The following HPSE2 variants were observed in gnomAD, a reference collection of about 807,000 sequenced individuals.
HPSE2 encodes the protein heparanase 2 (inactive).
Under a neutral mutation model 60.5 loss-of-function variants are expected in HPSE2, and 38 were observed. That is an observed-to-expected ratio of 0.63 (90% CI 0.48 to 0.82). The LOEUF is 0.82. Among genes scored for constraint, HPSE2 ranks in the 40% least tolerant of loss-of-function variants. The probability of loss-of-function intolerance (pLI) is 0.00; values close to 1 mark genes in which losing one functional copy is unlikely to be tolerated. For synonymous variants in HPSE2, 295 were observed against 293.2 expected, an observed-to-expected ratio of 1.01 and a Z score of -0.06; for missense variants, 713 against 740.4, an observed-to-expected ratio of 0.96 and a Z score of 0.43.
chr10:99,157,583 CCT>C (rs1331144371), intron 2 of HPSE2, among the ~76,000 whole-genome samples: 4 of 139,500 alleles, frequency 2.9e-5, no homozygotes, highest in Admixed American at 7.8e-5. Context: ...CTTCCTTATA[CCT>C]TATACAAAAA....
chr10:98,602,984 A>T (rs539659789), intron 9 of HPSE2, among the ~76,000 whole-genome samples: 1 of 152,374 alleles, frequency 6.6e-6, no homozygotes, highest in Non-Finnish European at 1.5e-5. Context: ...CACCATCAAG[A>T]AAATAAAAAG....
chr10:98,515,411 C>T, intron 9 of HPSE2, among the ~76,000 whole-genome samples: 1 of 152,038 alleles, frequency 6.6e-6, no homozygotes, highest in East Asian at 1.9e-4. Context: ...AAGCAAAGTT[C>T]AATAAATCAA....
intron 2 of HPSE2, among the ~76,000 whole-genome samples, chr10:99,203,910 C>T (rs1040326140): frequency 2.0e-5 from 3 of 152,036 alleles, no homozygotes; most frequent in African/African-American, 7.2e-5. Flanking sequence ...TCCAGCAGAC[C>T]CTGGTGACAG....
At chr10:99,213,644 G>GAA (rs570782687) in intron 2 of HPSE2, among the ~76,000 whole-genome samples, 7 of 141,100 alleles carry the variant, frequency 5.0e-5, no homozygotes, top group African/African-American at 1.5e-4. Flanking sequence ...CACGTTTTTA[G>GAA]AAAAAAAAAA....
intron 3 of HPSE2, among the ~76,000 whole-genome samples, chr10:98,788,922 G>A (rs1823159172): frequency 6.6e-6 from 1 of 152,110 alleles, no homozygotes; most frequent in African/African-American, 2.4e-5. Context: ...GCTCACGCTG[G>A]GAGCTGTAGA....
chr10:98,594,701 C>A (rs533808727), intron 9 of HPSE2, among the ~76,000 whole-genome samples: 1 of 152,220 alleles, frequency 6.6e-6, no homozygotes, highest in Admixed American at 6.5e-5. Context: ...ATCCATTCAT[C>A]TGTTGATGGA....
chr10:98,545,035 A>T (rs1374208956), intron 9 of HPSE2, among the ~76,000 whole-genome samples: 3 of 152,204 alleles, frequency 2.0e-5, no homozygotes, highest in Non-Finnish European at 4.4e-5. Flanking sequence ...CCTCTACGCA[A>T]ATAAACTAGA....
chr10:98,685,803 CTTAG>C (rs1947900796), intron 6 of HPSE2, among the ~76,000 whole-genome samples: 2 of 152,094 alleles, frequency 1.3e-5, no homozygotes, highest in Non-Finnish European at 2.9e-5. Context: ...CAGGCATATA[CTTAG>C]TTATATAAGA....
chr10:99,187,893 G>A (rs1328394826), intron 2 of HPSE2, among the ~76,000 whole-genome samples: 1 of 152,170 alleles, frequency 6.6e-6, no homozygotes, highest in Admixed American at 6.5e-5. Flanking sequence ...CTAGGTATTT[G>A]CTCCAAAGAG....
At chr10:98,510,741 G>A (rs1207316547) in intron 9 of HPSE2, among the ~76,000 whole-genome samples, 1 of 152,218 alleles carries the variant, frequency 6.6e-6, no homozygotes, top group Admixed American at 6.5e-5. Context: ...TAGTGCGTAA[G>A]GTTTCCTGTG....
intron 4 of HPSE2, among the ~76,000 whole-genome samples, chr10:98,729,394 G>A (rs1339207097): frequency 2.6e-5 from 4 of 152,142 alleles, no homozygotes; most frequent in African/African-American, 4.8e-5. Context: ...TAGGTCACGC[G>A]GTCAGGAGAT....
At chr10:99,139,270 A>T (rs1845776943) in intron 3 of HPSE2, among the ~76,000 whole-genome samples, 1 of 152,152 alleles carries the variant, frequency 6.6e-6, no homozygotes, top group African/African-American at 2.4e-5. Context: ...TATAATGGAC[A>T]CTGGAGACTC....
intron 6 of HPSE2, among the ~76,000 whole-genome samples, chr10:98,645,616 T>C (rs1483769188): frequency 1.3e-5 from 2 of 152,222 alleles, no homozygotes; most frequent in Non-Finnish European, 2.9e-5. Context: ...CACATTTATA[T>C]TGTACTATGG....
intron 10 of HPSE2, among the ~76,000 whole-genome samples, chr10:98,488,240 C>A (rs1209293140): frequency 6.6e-6 from 1 of 152,180 alleles, no homozygotes; most frequent in South Asian, 2.1e-4. Context: ...GAATTCCTAA[C>A]CACTCCACCA....
At chr10:98,963,063 ACT>A (rs775338401) in intron 3 of HPSE2, among the ~76,000 whole-genome samples, 4 of 152,204 alleles carry the variant, frequency 2.6e-5, no homozygotes, top group Non-Finnish European at 5.9e-5. Flanking sequence ...AGTGGTAATC[ACT>A]TTAAGGACCT....
intron 3 of HPSE2, among the ~76,000 whole-genome samples, chr10:98,821,203 T>C (rs1267204581): frequency 6.6e-6 from 1 of 152,184 alleles, no homozygotes; most frequent in Non-Finnish European, 1.5e-5. Flanking sequence ...ATCTCTTAAG[T>C]ACGGGAATAC....
chr10:98,570,624 T>C (rs1437924424), intron 9 of HPSE2, among the ~76,000 whole-genome samples: 1 of 152,118 alleles, frequency 6.6e-6, no homozygotes, highest in African/African-American at 2.4e-5. Context: ...CATTGCTTTG[T>C]CTGCTCAGAC....
chr10:99,291,582 GAAA>G, the HPSE2 span, among the ~76,000 whole-genome samples: 988 of 115,790 alleles, frequency 8.5e-3, 16 homozygotes, highest in African/African-American at 0.026. Flanking sequence ...GACTCCATCT[GAAA>G]AAAAAAAAAA....
intron 9 of HPSE2, among the ~76,000 whole-genome samples, chr10:98,600,955 A>G (rs1406838773): frequency 1.6e-4 from 4 of 25,212 alleles, no homozygotes; most frequent in African/African-American, 2.5e-4. Context: ...AGAGAGAAAG[A>G]GAGTGAGAGA....
Sources: gnomAD v4.1 joint callset for allele counts (sites outside exome capture counted in the v4.1 genomes callset) on GRCh38, gnomAD v4.1.1 for gene constraint, MANE v1.5 for transcripts, NCBI Gene and HGNC (gene_info 2026-07-23, HGNC 2026-07-21) for gene names.